The following MID1 variants were observed in gnomAD, a reference collection of about 807,000 sequenced individuals.
The protein encoded by MID1 is E3 ubiquitin-protein ligase Midline-1.
Under a neutral mutation model 40.4 loss-of-function variants are expected in MID1, and 7 were observed. That is an observed-to-expected ratio of 0.17 (90% CI 0.10 to 0.33). The LOEUF (loss-of-function observed/expected upper bound fraction) is 0.33. Ranked by LOEUF, MID1 falls within the 10% of genes least tolerant of loss-of-function variation. The pLI, the probability that MID1 is intolerant of heterozygous loss-of-function variation, is 1.00. For synonymous variants in MID1, 229 were observed against 221.2 expected, an observed-to-expected ratio of 1.04 and a Z score of -0.31; for missense variants, 367 against 558.5, an observed-to-expected ratio of 0.66 and a Z score of 3.46.
chrX:10,586,660 G>GCA, intron 1 of MID1, among the ~76,000 whole-genome samples: 1 of 112,437 alleles, frequency 8.9e-6, no homozygotes, highest in Non-Finnish European at 1.9e-5. Flanking sequence ...AGTCACCACA[G>GCA]CATGGGGGGA....
At chrX:10,683,102 A>G (rs2043070053) in intron 1 of MID1, among the ~76,000 whole-genome samples, 1 of 112,160 alleles carries the variant, frequency 8.9e-6, no homozygotes, top group South Asian at 3.7e-4. Flanking sequence ...CCTTGATCTC[A>G]ACTGAAATCT....
chrX:10,548,335 G>C (rs192930066), intron 2 of MID1, among the ~76,000 whole-genome samples: 62 of 110,975 alleles, frequency 5.6e-4, no homozygotes, highest in African/African-American at 1.9e-3. Flanking sequence ...TCTCTATAAG[G>C]CCCCTTTCAA....
At chrX:10,628,257 T>C (rs1376120523) in intron 1 of MID1, among the ~76,000 whole-genome samples, 2 of 110,964 alleles carry the variant, frequency 1.8e-5, no homozygotes, top group Admixed American at 9.7e-5. Flanking sequence ...TATTTAGTCA[T>C]GGCAAGAAAA....
At chrX:10,458,429 G>A (rs1928816615) in intron 8 of MID1, among the ~76,000 whole-genome samples, 1 of 111,265 alleles carries the variant, frequency 9.0e-6, no homozygotes, top group South Asian at 3.8e-4. Flanking sequence ...GTGGAAAGCT[G>A]GTAAAATCTG....
intron 7 of MID1, among the ~76,000 whole-genome samples, chrX:10,466,851 T>C (rs763001633): frequency 8.9e-6 from 1 of 112,019 alleles, no homozygotes; most frequent in African/African-American, 3.2e-5. Context: ...AATAAGCTCA[T>C]ACAGCTGGAA....
chrX:10,559,038 C>T (rs1250496286), intron 2 of MID1, among the ~76,000 whole-genome samples: 1 of 112,054 alleles, frequency 8.9e-6, no homozygotes, highest in Non-Finnish European at 1.9e-5. Flanking sequence ...CCTTGAGTTT[C>T]CCATTAAGAA....
intron 1 of MID1, among the ~76,000 whole-genome samples, chrX:10,761,793 A>G (rs73484908): frequency 0.06 from 6,746 of 111,834 alleles, 512 homozygotes; most frequent in African/African-American, 0.21. Flanking sequence ...GTATGAAGGT[A>G]GTTTGTTATG....
At chrX:10,478,382 A>G (rs964682059) in intron 5 of MID1, among the ~76,000 whole-genome samples, 7 of 112,167 alleles carry the variant, frequency 6.2e-5, no homozygotes, top group Non-Finnish European at 9.4e-5. Flanking sequence ...AAACTAGGCT[A>G]ATGTTTTTAC....
intron 1 of MID1, among the ~76,000 whole-genome samples, chrX:10,584,168 C>G (rs955474330): frequency 9.0e-6 from 1 of 111,629 alleles, no homozygotes; most frequent in Non-Finnish European, 1.9e-5. Flanking sequence ...GAGGAAGAAC[C>G]CACTTCCACA....
intron 3 of MID1, among the ~76,000 whole-genome samples, chrX:10,519,769 C>T (rs1462976728): frequency 8.9e-6 from 1 of 111,812 alleles, no homozygotes; most frequent in Non-Finnish European, 1.9e-5. Context: ...GAGAACATCC[C>T]TAATTTCTGT....
chrX:10,686,758 C>A (rs1179096777), intron 1 of MID1, among the ~76,000 whole-genome samples: 2 of 112,238 alleles, frequency 1.8e-5, no homozygotes, highest in Non-Finnish European at 3.8e-5. Flanking sequence ...CCAGGCCCTA[C>A]AAATCCTTGG....
At chrX:10,660,577 C>G (rs943315211) in intron 1 of MID1, among the ~76,000 whole-genome samples, 1 of 112,396 alleles carries the variant, frequency 8.9e-6, no homozygotes, top group Non-Finnish European at 1.9e-5. Flanking sequence ...AATGACAAAG[C>G]CCTTTCTTTT....
At chrX:10,555,464 C>A (rs913672919) in intron 2 of MID1, among the ~76,000 whole-genome samples, 1 of 111,333 alleles carries the variant, frequency 9.0e-6, no homozygotes, top group African/African-American at 3.3e-5. Context: ...GAGCTCTTTT[C>A]ATATCCTGTC....
intron 1 of MID1, among the ~76,000 whole-genome samples, chrX:10,604,989 C>T (rs1466765757): frequency 1.8e-5 from 2 of 112,050 alleles, no homozygotes; most frequent in South Asian, 3.7e-4. Context: ...ATCTGCCTGT[C>T]GGCTCAATCT....
chrX:10,587,146 C>A (rs1360153772), intron 1 of MID1, among the ~76,000 whole-genome samples: 1 of 112,512 alleles, frequency 8.9e-6, no homozygotes, highest in African/African-American at 3.2e-5. Context: ...TCTCGCTTTA[C>A]AATGTCTTAT....
Position 10,817,981 on chromosome X carries a change from T to C in MID1, c.-187+15573A>G, listed in dbSNP as rs756802882. On this transcript the variant is annotated intron_variant, in intron 1 of 10. Coordinates refer to the MID1 transcript ENST00000380785. ...GAGAATGACAAGAAGAGAAAATGGC[T>C]ACAAATATTAATTTCTTTCATTCTA... 2.7e-5 allele frequency among the ~76,000 whole-genome samples: 3 copies of C among 112,205 alleles called. No individual in the cohort carries two copies. The South Asian group carries it at 1.1e-3, about 42-fold the overall frequency.
chrX:10,803,792 T>A lies in MID1; in HGVS notation c.-187+29762A>T, dbSNP rs138727641. The stretch of plus-strand genomic sequence containing the variant: ...TGGATTTGTGGTTTGGTTCCTGTTA[T>A]TAGTTTTGGAAAATTCTCAGTCATT... On this transcript the variant is annotated intron_variant, in intron 1 of 10. Coordinates refer to the MID1 transcript ENST00000380785. Among the ~76,000 whole-genome samples, 61 of 112,243 alleles carry A rather than the reference T, an allele frequency of 5.4e-4. No individual in the cohort carries two copies. In the East Asian group the frequency reaches 0.017, roughly 31 times the overall value.
chrX:10,608,552 A>G (rs1935667700), intron 1 of MID1, among the ~76,000 whole-genome samples: 1 of 112,111 alleles, frequency 8.9e-6, no homozygotes, highest in African/African-American at 3.2e-5. Context: ...GATGGAGAAC[A>G]GATGATTACT....
At chrX:10,823,469 G>C (rs2044192354) in intron 1 of MID1, among the ~76,000 whole-genome samples, 1 of 110,790 alleles carries the variant, frequency 9.0e-6, no homozygotes, top group Non-Finnish European at 1.9e-5. Context: ...ATGTACCCCT[G>C]AACTTCAAAT....
Sources: allele counts gnomAD v4.1 joint callset (sites outside exome capture counted in the v4.1 genomes callset), GRCh38; gene constraint gnomAD v4.1.1; transcripts MANE v1.5; gene names NCBI Gene and HGNC (gene_info 2026-07-23, HGNC 2026-07-21).